Variants in NCAM2 observed in about 807,000 individuals in gnomAD.
NCAM2 encodes the protein neural cell adhesion molecule 2.
NCAM2 carries 30 observed loss-of-function variants against 98.1 expected under a neutral mutation model. That is an observed-to-expected ratio of 0.31 (90% confidence interval 0.23 to 0.41). The LOEUF (loss-of-function observed/expected upper bound fraction) is 0.41. NCAM2 is among the 10% of genes least tolerant of loss of function. The pLI, the probability that NCAM2 is intolerant of heterozygous loss-of-function variation, is 1.00. For missense variants in NCAM2, 867 were observed against 1,005.8 expected (o/e 0.86, Z 1.87); for synonymous variants, 368 against 342.4 (o/e 1.07, Z -0.83).
At chr21:21,085,534 T>C (rs553041116) in intron 1 of NCAM2, among the ~76,000 whole-genome samples, 1 of 152,178 alleles carries the variant, frequency 6.6e-6, no homozygotes, top group Non-Finnish European at 1.5e-5. Flanking sequence ...CAAAGGCTGC[T>C]GTTCAATCTC....
At chr21:21,130,500 C>T (rs1277355271) in intron 1 of NCAM2, among the ~76,000 whole-genome samples, 2 of 151,914 alleles carry the variant, frequency 1.3e-5, no homozygotes, top group African/African-American at 2.4e-5. Flanking sequence ...AACATTTTCC[C>T]GAATGTAAAA....
intron 1 of NCAM2, among the ~76,000 whole-genome samples, chr21:21,167,817 A>C (rs2146823075): frequency 6.6e-6 from 1 of 152,312 alleles, no homozygotes; most frequent in African/African-American, 2.4e-5. Context: ...TGAATCCGTA[A>C]GTAATACAAA....
At chr21:21,021,134 A>C (rs931506912) in intron 1 of NCAM2, among the ~76,000 whole-genome samples, 5 of 152,198 alleles carry the variant, frequency 3.3e-5, no homozygotes, top group African/African-American at 9.7e-5. Flanking sequence ...CTTCTCTTTA[A>C]GGAAATGGGA....
chr21:21,045,917 A>G (rs755296027), intron 1 of NCAM2, among the ~76,000 whole-genome samples: 1 of 152,188 alleles, frequency 6.6e-6, no homozygotes, highest in Non-Finnish European at 1.5e-5. Context: ...GCAAATTTGT[A>G]TCAGATATGT....
chr21:21,385,544 T>C (rs1049196964), intron 9 of NCAM2: 7 of 801,952 alleles, frequency 8.7e-6, no homozygotes, highest in Non-Finnish European at 1.3e-5. Context: ...GTAATAGCAC[T>C]AAACTTAAGG....
At chr21:21,068,128 T>C (rs117338818) in intron 1 of NCAM2, among the ~76,000 whole-genome samples, 3,625 of 130,786 alleles carry the variant, frequency 0.028, 63 homozygotes, top group Admixed American at 0.037. Context: ...AATAATGACT[T>C]TTTTTTCTTT....
chr21:21,087,624 G>A (rs1305000297), intron 1 of NCAM2, among the ~76,000 whole-genome samples: 2 of 152,138 alleles, frequency 1.3e-5, no homozygotes, highest in African/African-American at 2.4e-5. Flanking sequence ...CTTAATTTGA[G>A]TGTGCCATCT....
At chr21:21,113,899 A>G (rs776938108) in intron 1 of NCAM2, among the ~76,000 whole-genome samples, 3 of 151,992 alleles carry the variant, frequency 2.0e-5, no homozygotes. Context: ...CTTTATTTCT[A>G]TTTGTATGAC....
chr21:21,371,496 T>C (rs2075913669), intron 8 of NCAM2, among the ~76,000 whole-genome samples: 2 of 151,794 alleles, frequency 1.3e-5, no homozygotes, highest in South Asian at 4.1e-4. Context: ...CCTATTTACC[T>C]GTCCATCATC....
intron 15 of NCAM2, among the ~76,000 whole-genome samples, chr21:21,502,484 C>T (rs1446997988): frequency 6.6e-6 from 1 of 151,880 alleles, no homozygotes; most frequent in Non-Finnish European, 1.5e-5. Context: ...GATTAGATAT[C>T]ACCAGGTAGA....
chr21:21,440,538 G>C (rs1979081504), intron 12 of NCAM2, among the ~76,000 whole-genome samples: 1 of 151,902 alleles, frequency 6.6e-6, no homozygotes, highest in Non-Finnish European at 1.5e-5. Context: ...AAAATTAGCT[G>C]GGTGTGGTGG....
intron 13 of NCAM2, among the ~76,000 whole-genome samples, chr21:21,467,954 C>G (rs1279118277): frequency 6.6e-6 from 1 of 151,960 alleles, no homozygotes; most frequent in African/African-American, 2.4e-5. Flanking sequence ...GATATGAAAT[C>G]CTTTTCAGTG....
At chr21:21,483,358 A>G (rs1242183246) in intron 15 of NCAM2, among the ~76,000 whole-genome samples, 5 of 152,058 alleles carry the variant, frequency 3.3e-5, no homozygotes, top group Non-Finnish European at 7.4e-5. Context: ...GTTTAGATTT[A>G]ACAAGCTAAA....
intron 8 of NCAM2, among the ~76,000 whole-genome samples, chr21:21,373,280 G>C (rs575747121): frequency 6.6e-6 from 1 of 151,888 alleles, no homozygotes; most frequent in South Asian, 2.1e-4. Context: ...TTTAGTAAAA[G>C]CAACTTATTC....
In NCAM2 at chr21:21,331,578, T is replaced by TAG. The variant is rs1168700185; in HGVS notation, c.738-3904_738-3903dup. Among the ~76,000 whole-genome samples the TAG allele has an allele frequency of 1.9e-3, 4 of 2,150 alleles. 1 individual carries two copies. The highest frequency in any genetic ancestry group is 9.0e-3 in the Non-Finnish European group (2 of 222). 1.4% of individuals were successfully genotyped at this position (2,150 alleles called of 152,430 possible). A position where few individuals can be genotyped will look rare whatever the true frequency, so the allele number is the denominator to read the frequency against. ...TATATACTCTATATACATATATATATAGAGAGAGAGAGAGAGAGAGAGAGT... is the reference window on the plus strand; with the variant it reads ...TATATACTCTATATACATATATATATAGAGAGAGAGAGAGAGAGAGAGAGAGT... On this transcript the variant is annotated intron_variant, in intron 6 of 17. Transcript: ENST00000400546.
Position 21,260,025 on chromosome 21 carries a change from T to A in NCAM2, c.56-20553T>A, listed in dbSNP as rs74651839. Among the ~76,000 whole-genome samples, 302 of 150,608 alleles carry A rather than the reference T, an allele frequency of 2.0e-3. 1 individual carries two copies. Among genetic ancestry groups the A allele is most frequent in the African/African-American group, 7.0e-3 (285 of 40,858 alleles). ...ATTAAAAAAATAGAACATCTGGAAT[T>A]GAAATTTCACTAAAGAAATTTCAAA... On this transcript the variant is annotated intron_variant, in intron 1 of 17. Transcript: ENST00000400546.
At chr21:21,238,471 A>T (rs2070932818) in intron 1 of NCAM2, among the ~76,000 whole-genome samples, 1 of 152,240 alleles carries the variant, frequency 6.6e-6, no homozygotes, top group African/African-American at 2.4e-5. Flanking sequence ...CATGGAAATT[A>T]CAGAAGCCCA....
At position 21,058,011 on chromosome 21, in the gene NCAM2, A is replaced by G. The variant is rs550122471; in HGVS notation, c.55+59393A>G. On this transcript the variant is annotated intron_variant, in intron 1 of 17. Transcript: ENST00000400546. ...TGCTCCCAATGAAAATGACTTCTAT[A>G]TGATTGAACATAATGCTTTGTCCTT... is the stretch of plus-strand genomic sequence containing the variant. 5.9e-5 allele frequency among the ~76,000 whole-genome samples: 9 copies of G among 152,148 alleles called. No individual in the cohort carries two copies. In the East Asian group the frequency reaches 9.7e-4, roughly 16 times the overall value.
intron 8 of NCAM2, among the ~76,000 whole-genome samples, chr21:21,355,253 G>A (rs1016545423): frequency 6.6e-6 from 1 of 151,634 alleles, no homozygotes; most frequent in African/African-American, 2.4e-5. Context: ...GGCCAACATG[G>A]CAAAAACCCA....
Sources: allele counts gnomAD v4.1 joint callset (sites outside exome capture counted in the v4.1 genomes callset), GRCh38; gene constraint gnomAD v4.1.1; transcripts MANE v1.5; gene names NCBI Gene and HGNC (gene_info 2026-07-23, HGNC 2026-07-21).